The following CD96 variants were observed in gnomAD, a reference collection of about 807,000 sequenced individuals.
The protein encoded by CD96 is T-cell surface protein tactile.
In CD96, 70 loss-of-function variants were observed where a neutral mutation model predicts 71.3. That is an observed-to-expected ratio of 0.98 (90% CI 0.81 to 1.20). CD96 has a LOEUF of 1.20. Among genes scored for constraint, CD96 ranks in the 50% most tolerant of loss-of-function variants. CD96 has a pLI of 0.00. For missense variants in CD96, 742 were observed against 677.5 expected, an observed-to-expected ratio of 1.10 and a Z score of -1.06; for synonymous variants, 248 against 233.0, an observed-to-expected ratio of 1.06 and a Z score of -0.59.
At chr3:111,594,302 ACT>A in intron 5 of CD96, 2 of 1,410,690 alleles carry the variant, frequency 1.4e-6, no homozygotes, top group Non-Finnish European at 1.9e-6. Flanking sequence ...GCCTGTGGTA[ACT>A]CTTGGGGATT....
intron 12 of CD96, among the ~76,000 whole-genome samples, chr3:111,639,167 A>G (rs1183679220): frequency 6.6e-6 from 1 of 152,172 alleles, no homozygotes; most frequent in African/African-American, 2.4e-5. Flanking sequence ...TGAAGGAAGC[A>G]GACAGCCTCT....
chr3:111,602,698 T>C (rs550381333), intron 7 of CD96, among the ~76,000 whole-genome samples: 1 of 152,302 alleles, frequency 6.6e-6, no homozygotes, highest in East Asian at 1.9e-4. Context: ...TACTGCCGGA[T>C]GCTTTATGAA....
chr3:111,579,510 G>C, intron 4 of CD96: 2 of 477,904 alleles, frequency 4.2e-6, no homozygotes. Context: ...ACCTGAAACT[G>C]AGTAATTTGT....
At chr3:111,553,055 A>G (rs1157487033) in intron 2 of CD96, among the ~76,000 whole-genome samples, 3 of 151,958 alleles carry the variant, frequency 2.0e-5, no homozygotes, top group Non-Finnish European at 4.4e-5. Flanking sequence ...TTATTTTAGT[A>G]TGAATCTTTA....
At chr3:111,605,627 A>G (rs1329408342) in intron 7 of CD96, among the ~76,000 whole-genome samples, 3 of 152,226 alleles carry the variant, frequency 2.0e-5, no homozygotes, top group Non-Finnish European at 2.9e-5. Flanking sequence ...GCACAAAAGC[A>G]TTCATATAGT....
intron 5 of CD96, among the ~76,000 whole-genome samples, chr3:111,589,197 G>A (rs1426570161): frequency 2.0e-5 from 3 of 152,030 alleles, no homozygotes; most frequent in Non-Finnish European, 2.9e-5. Flanking sequence ...TGATCCGCCC[G>A]CCTCGGCCTC....
intron 3 of CD96, among the ~76,000 whole-genome samples, chr3:111,568,480 A>G (rs943652199): frequency 6.6e-6 from 1 of 152,184 alleles, no homozygotes; most frequent in Non-Finnish European, 1.5e-5. Context: ...CATGCTTAAC[A>G]TGTCCTGTGA....
At chr3:111,542,414 A>ACTGCTGAAATTG in intron 1 of CD96, 105 bp downstream of exon 1, 29 of 818,988 alleles carry the variant, frequency 3.5e-5, no homozygotes, top group Non-Finnish European at 5.2e-5. Context: ...ATTGATCACC[A>ACTGCTGAAATTG]AAGGACAAAT....
intron 8 of CD96, among the ~76,000 whole-genome samples, chr3:111,616,537 G>A (rs1938246076): frequency 6.6e-6 from 1 of 152,130 alleles, no homozygotes; most frequent in Admixed American, 6.5e-5. Flanking sequence ...CTCTTCCGTG[G>A]CTAGGCCCTG....
Position 111,647,645 on chromosome 3 carries a change from G to A in CD96, c.1580G>A (p.Trp527Ter), listed in dbSNP as rs747580466. The change falls in exon 13 of 14, where the codon TGG (tryptophan) becomes TAG (stop). Residue 527 changes from tryptophan to a stop codon, truncating the protein, a stop_gained. Coordinates refer to ENST00000352690, the MANE Select transcript of CD96 (RefSeq NM_005816.5). LOFTEE classifies it high-confidence loss of function. ...TTGTTTGGTCTTGGAGTGAGAAAAT[G>A]GTGTCAGTACCAAAAAGAAATGTGA... ...MILFGLGVRK[W>*]CQYQKEIMER... is the part of the protein sequence containing the mutation. 9.9e-6 allele frequency: 16 copies of A among 1,609,902 alleles called. No individual in the cohort carries two copies. The highest frequency in any genetic ancestry group is 1.6e-4 in the Middle Eastern group (1 of 6,074).
At chr3:111,614,739 C>G (rs2107686317) in intron 8 of CD96, among the ~76,000 whole-genome samples, 1 of 152,306 alleles carries the variant, frequency 6.6e-6, no homozygotes, top group South Asian at 2.1e-4. Flanking sequence ...CCATTCAGAG[C>G]CACTAACCAA....
intron 3 of CD96, among the ~76,000 whole-genome samples, chr3:111,575,030 G>C (rs1384875583): frequency 1.3e-5 from 2 of 152,008 alleles, no homozygotes; most frequent in East Asian, 3.9e-4. Context: ...CTGGGCTCAA[G>C]AAATCCACCA....
At chr3:111,571,095 G>A (rs1433053789) in intron 3 of CD96, 21 of 788,720 alleles carry the variant, frequency 2.7e-5, no homozygotes, top group African/African-American at 6.8e-5. Context: ...ACTAAGACCC[G>A]GGCATCCCTC....
rs534907970 is a variant in CD96, at chr3:111,638,017, T to A, written c.1388-62T>A. ...TCAAATAACATATGAAACCCAATCA[T>A]GGTTTTATACCACTTGATCAAGTTG... On this transcript the variant is annotated intron_variant, in intron 11 of 13. Coordinates refer to ENST00000352690, the MANE Select transcript of CD96 (RefSeq NM_005816.5). 4.5e-6 allele frequency: 4 copies of A among 895,830 alleles called. No individual in the cohort carries two copies. The South Asian group carries it at 5.2e-5, about 12-fold the overall frequency. The allele number at this position is 895,830 out of a possible 1,614,324, so 55.5% of individuals were successfully genotyped here.
intron 3 of CD96, among the ~76,000 whole-genome samples, chr3:111,578,371 T>C (rs762112273): frequency 6.6e-6 from 1 of 152,234 alleles, no homozygotes; most frequent in Non-Finnish European, 1.5e-5. Flanking sequence ...TTCAGGCTAC[T>C]CTTCATGCAT....
At chr3:111,596,247 G>A (rs1032465972) in intron 5 of CD96, among the ~76,000 whole-genome samples, 1 of 151,770 alleles carries the variant, frequency 6.6e-6, no homozygotes, top group African/African-American at 2.4e-5. Context: ...ATATGTAGAG[G>A]TTGACAGTTA....
At chr3:111,573,183 G>C (rs1475146344) in intron 3 of CD96, among the ~76,000 whole-genome samples, 1 of 152,162 alleles carries the variant, frequency 6.6e-6, no homozygotes, top group Non-Finnish European at 1.5e-5. Context: ...ATAGTCATGA[G>C]GGAAGTTCTG....
At chr3:111,634,048 T>G (rs1440026305) in intron 10 of CD96, 1 of 152,874 alleles carries the variant, frequency 6.5e-6, no homozygotes, top group South Asian at 2.1e-4. Context: ...GTGGTTTTAT[T>G]AAAGGAAGAT....
chr3:111,545,098 C>T lies in CD96; in HGVS notation c.114C>T (p.Gly38=). ...AAGAAAATGTTTATGCTACACTTGG[C>T]TCTGATGTCAACCTGACCTGCCAAA... ...NTEENVYATL[G]SDVNLTCQTQ... The change falls in exon 2 of 14, where the codon GGC becomes GGT. Residue 38 remains glycine (G), a synonymous_variant. Coordinates refer to ENST00000352690, the MANE Select transcript of CD96 (RefSeq NM_005816.5). 1.9e-6 allele frequency: 3 copies of T among 1,614,168 alleles called. No homozygotes were observed. Among genetic ancestry groups the T allele is most frequent in the Non-Finnish European group, 2.5e-6 (3 of 1,180,016 alleles).
Sources: allele counts gnomAD v4.1 joint callset (sites outside exome capture counted in the v4.1 genomes callset), GRCh38; gene constraint gnomAD v4.1.1; transcripts MANE v1.5; gene names NCBI Gene and HGNC (gene_info 2026-07-23, HGNC 2026-07-21).